The following TEX2 variants were observed in gnomAD, a reference collection of about 807,000 sequenced individuals.
TEX2 encodes testis-expressed protein 2.
Under a neutral mutation model 106.9 loss-of-function variants are expected in TEX2, and 53 were observed. The ratio of observed to expected loss-of-function variants is 0.50; its 90% CI spans 0.40 to 0.62. The LOEUF (loss-of-function observed/expected upper bound fraction) is 0.62. Among genes scored for constraint, TEX2 ranks in the 20% least tolerant of loss-of-function variants. TEX2 has a pLI of 0.00. For missense variants in TEX2, 1,207 were observed against 1,379.0 expected, an observed-to-expected ratio of 0.88 and a Z score of 1.98; for synonymous variants, 523 against 534.8, an observed-to-expected ratio of 0.98 and a Z score of 0.30.
chr17:64,260,201 T>C (rs1432992194), intron 1 of TEX2, among the ~76,000 whole-genome samples: 1 of 152,224 alleles, frequency 6.6e-6, no homozygotes, highest in Non-Finnish European at 1.5e-5. Context: ...CAGGAGCTCA[T>C]TAGTGCAGCA....
intron 8 of TEX2, chr17:64,156,378 C>T (rs1002206262): frequency 6.6e-6 from 1 of 152,264 alleles, no homozygotes; most frequent in Non-Finnish European, 1.5e-5. Flanking sequence ...GCTGGACTTC[C>T]ACATTAAAGG....
At chr17:64,152,335 G>A (rs978954653) in intron 10 of TEX2, among the ~76,000 whole-genome samples, 2 of 152,144 alleles carry the variant, frequency 1.3e-5, no homozygotes, top group Admixed American at 6.5e-5. Context: ...GAAATCCGGG[G>A]GGATGGGCCA....
intron 1 of TEX2, among the ~76,000 whole-genome samples, chr17:64,221,390 C>T (rs1213206587): frequency 2.6e-5 from 4 of 152,092 alleles, no homozygotes; most frequent in African/African-American, 9.7e-5. Flanking sequence ...GGGCAAAGGA[C>T]TTGAAAGGAC....
intron 2 of TEX2, among the ~76,000 whole-genome samples, chr17:64,209,642 A>G (rs1021589096): frequency 6.6e-6 from 1 of 152,236 alleles, no homozygotes. Context: ...TGGGCAAAAC[A>G]CCTTCCTTAA....
intron 7 of TEX2, among the ~76,000 whole-genome samples, chr17:64,162,457 G>A (rs74679932): frequency 0.023 from 3,530 of 152,080 alleles, 145 homozygotes; most frequent in African/African-American, 0.08. Flanking sequence ...AAACATAATC[G>A]TTTCTTTTGA....
At chr17:64,238,068 G>A (rs1484963495) in intron 1 of TEX2, among the ~76,000 whole-genome samples, 2 of 152,174 alleles carry the variant, frequency 1.3e-5, no homozygotes, top group Admixed American at 6.5e-5. Context: ...TTGGGAGGCC[G>A]AGGTGGGAGA....
intron 8 of TEX2, among the ~76,000 whole-genome samples, chr17:64,156,967 C>T (rs2030659004): frequency 6.6e-6 from 1 of 152,184 alleles, no homozygotes; most frequent in Non-Finnish European, 1.5e-5. Flanking sequence ...CAGAACAGGA[C>T]AAATTTTGTG....
intron 2 of TEX2, among the ~76,000 whole-genome samples, chr17:64,209,323 T>G (rs2032928847): frequency 6.6e-6 from 1 of 152,230 alleles, no homozygotes; most frequent in Admixed American, 6.5e-5. Context: ...TCCTTCTAAT[T>G]CATAGTAGTG....
At chr17:64,215,484 A>C (rs942874357) in intron 1 of TEX2, among the ~76,000 whole-genome samples, 3 of 152,066 alleles carry the variant, frequency 2.0e-5, no homozygotes, top group African/African-American at 7.2e-5. Context: ...ACAGAGGGTG[A>C]GTGTGGGGAG....
Position 64,194,986 on chromosome 17 carries a change from T to C in TEX2, c.1754A>G (p.Asn585Ser), listed in dbSNP as rs377159723. The change falls in exon 3 of 12, where the codon AAT becomes AGT. Residue 585 changes from asparagine to serine, a missense_variant. Asn to Ser is a conservative substitution (Grantham distance 46). Around this residue, in one of 3 missense-constraint regions of TEX2, gnomAD observed 1,067 missense variants for 1,193.6 expected, o/e 0.89. Coordinates refer to ENST00000584379, the MANE Select transcript of TEX2 (RefSeq NM_001288732.2). ...GCTGGCCCTCCTGGATATATTTTTA[T>C]TGGGCTTTGAAAGTCTTAAGGTTCC... ...EGGTLRLSKP[N>S]KNISRRASYN... 6.8e-6 allele frequency: 11 copies of C among 1,614,100 alleles called. No homozygotes were observed. The highest frequency in any genetic ancestry group is 1.7e-5 in the Admixed American group (1 of 60,008).
chr17:64,243,980 T>G (rs1266456159), intron 1 of TEX2, among the ~76,000 whole-genome samples: 1 of 152,036 alleles, frequency 6.6e-6, no homozygotes. Context: ...AGCTAACTTT[T>G]GTATTTTCAG....
intron 5 of TEX2, 47 bp downstream of exon 5, chr17:64,188,121 G>A: frequency 6.3e-7 from 1 of 1,583,810 alleles, no homozygotes; most frequent in Non-Finnish European, 8.5e-7. Context: ...GAAGAAATGT[G>A]TCTAAGTCGA....
Position 64,214,042 on chromosome 17 carries a change from C to G in TEX2, c.176G>C (p.Gly59Ala), listed in dbSNP as rs2143097818. Residue 59 changes from glycine (G) to alanine (A), a missense_variant, in exon 2 of 12, where the codon GGG (glycine) becomes GCG (alanine). Gly to Ala is a moderately conservative substitution (Grantham distance 60). Transcript: ENST00000584379. ...TGTTACAATGCTTTGGTCATCCAGC[C>G]CCTCCTCAAAGTACTCCCTGAACTC... ...EEEFREYFEE[G>A]LDDQSIVTGL... 1 of 1,614,176 alleles carries G rather than the reference C, an allele frequency of 6.2e-7. No individual in the cohort carries two copies. Among genetic ancestry groups the G allele is most frequent in the Middle Eastern group, 1.6e-4 (1 of 6,062 alleles).
chr17:64,162,359 GAAC>G (rs1405953601), intron 7 of TEX2, among the ~76,000 whole-genome samples: 5 of 152,118 alleles, frequency 3.3e-5, no homozygotes, highest in African/African-American at 1.2e-4. Context: ...CAATGTAAAA[GAAC>G]AACAATAAAG....
chr17:64,244,127 G>C (rs2033944660), intron 1 of TEX2, among the ~76,000 whole-genome samples: 1 of 152,068 alleles, frequency 6.6e-6, no homozygotes, highest in South Asian at 2.1e-4. Flanking sequence ...TCTTTTAAAG[G>C]GTGGCAGAAC....
In TEX2 at chr17:64,187,405, G is replaced by A. The variant is rs546582067; in HGVS notation, c.2424+763C>T. ...AATCTTGGCCTCTGCGTTCTCTCAC[G>A]TCAGCAAATCCAGCCAGCGCCTCCT... On this transcript the variant is annotated intron_variant, in intron 5 of 11. Coordinates refer to ENST00000584379, the MANE Select transcript of TEX2 (RefSeq NM_001288732.2). Among the ~76,000 whole-genome samples the A allele has an allele frequency of 8.7e-4, 132 of 152,072 alleles. 5 individuals are homozygous for A. The South Asian group carries it at 0.027, about 31-fold the overall frequency.
intron 2 of TEX2, among the ~76,000 whole-genome samples, chr17:64,197,657 CAATT>C (rs1168345040): frequency 1.3e-5 from 2 of 152,162 alleles, no homozygotes; most frequent in Non-Finnish European, 2.9e-5. Flanking sequence ...CTCCTGGGCT[CAATT>C]AATCCTCCCA....
Position 64,263,231 on chromosome 17 carries a change from G to T in TEX2, c.-89C>A. ...CCCGTGCTCCCGGCCGCGCGACTCC[G>T]GCTTCGGCTGGGGCACCGGCCGCGG... On this transcript the variant is annotated 5_prime_UTR_variant, in exon 1 of 12. Transcript: ENST00000584379. The T allele has an allele frequency of 6.6e-6, 1 of 150,488 alleles. No homozygotes were observed. Among genetic ancestry groups the T allele is most frequent in the South Asian group, 2.0e-4 (1 of 5,068 alleles). 9.3% of individuals were successfully genotyped at this position (150,488 alleles called of 1,614,324 possible). A position where few individuals can be genotyped will look rare whatever the true frequency, so the allele number is the denominator to read the frequency against.
intron 1 of TEX2, among the ~76,000 whole-genome samples, chr17:64,221,269 G>C (rs752209702): frequency 4.6e-5 from 7 of 152,114 alleles, no homozygotes; most frequent in Non-Finnish European, 8.8e-5. Context: ...TTAACACCTA[G>C]GTTGACAGGT....
Sources: gnomAD v4.1 joint callset for allele counts (sites outside exome capture counted in the v4.1 genomes callset) on GRCh38, gnomAD v4.1.1 for gene constraint, gnomAD v4.1.1 regional missense constraint, MANE v1.5 for transcripts, NCBI Gene and HGNC (gene_info 2026-07-23, HGNC 2026-07-21) for gene names.